The following RPN1 variants were observed in gnomAD, a reference collection of about 807,000 sequenced individuals.
RPN1 encodes the protein dolichyl-diphosphooligosaccharide--protein glycosyltransferase subunit 1.
A neutral mutation model predicts 55.5 loss-of-function variants in RPN1; 12 were observed. The ratio of observed to expected loss-of-function variants is 0.22; its 90% CI spans 0.14 to 0.35. The LOEUF (loss-of-function observed/expected upper bound fraction) is 0.35. Among genes scored for constraint, RPN1 ranks in the 10% least tolerant of loss-of-function variants. The pLI, the probability that RPN1 is intolerant of heterozygous loss-of-function variation, is 1.00. For synonymous variants in RPN1, 317 were observed against 305.9 expected (o/e 1.04, Z -0.38); for missense variants, 679 against 761.3 (o/e 0.89, Z 1.27).
chr3:128,641,474 A>G (rs1576798464), intron 2 of RPN1, among the ~76,000 whole-genome samples: 1 of 151,912 alleles, frequency 6.6e-6, no homozygotes, highest in Non-Finnish European at 1.5e-5. Flanking sequence ...TGAAATGTCA[A>G]CCCTCCGTAT....
chr3:128,641,771 GCTAA>G (rs2107720538), intron 2 of RPN1, among the ~76,000 whole-genome samples: 1 of 152,008 alleles, frequency 6.6e-6, no homozygotes, highest in South Asian at 2.1e-4. Flanking sequence ...ACCACTCCTG[GCTAA>G]CTTTTTTGCA....
In RPN1 at chr3:128,650,602, T is replaced by G. The variant is rs1047995254; in HGVS notation, c.199A>C (p.Thr67Pro). 9.7e-6 allele frequency: 15 copies of G among 1,549,286 alleles called. No homozygotes were observed. The highest frequency in any genetic ancestry group is 1.3e-5 in the Non-Finnish European group (15 of 1,146,572). ...HLGGGSTSRATSFLLALEPEL... is the reference protein window; with the variant it reads ...HLGGGSTSRAPSFLLALEPEL... ...GGCTCCAAAGCCAGCAGGAAAGAGG[T>G]AGCTCGGGACGTGGAGCCGCCGCCC... Residue 67 changes from threonine (T) to proline (P), a missense_variant, in exon 1 of 10, where the codon ACC becomes CCC. Thr to Pro is a conservative substitution (Grantham distance 38, BLOSUM62 -1). Around this residue, in one of 3 missense-constraint regions of RPN1, gnomAD observed 352 missense variants for 352.8 expected, o/e 1.00. Coordinates refer to ENST00000296255, the MANE Select transcript of RPN1 (RefSeq NM_002950.4).
intron 1 of RPN1, among the ~76,000 whole-genome samples, chr3:128,649,210 AT>A (rs530348385): frequency 3.3e-5 from 5 of 152,208 alleles, no homozygotes; most frequent in Non-Finnish European, 5.9e-5. Context: ...TTGTATACCA[AT>A]TATACCTCAA....
intron 1 of RPN1, among the ~76,000 whole-genome samples, chr3:128,645,469 TA>T (rs367842742): frequency 1.0e-3 from 147 of 140,616 alleles, no homozygotes; most frequent in Middle Eastern, 3.8e-3. Context: ...AAATTCCATC[TA>T]AAAAAAAAAA....
intron 4 of RPN1, among the ~76,000 whole-genome samples, chr3:128,631,459 C>G (rs548558907): frequency 6.9e-6 from 1 of 144,798 alleles, no homozygotes; most frequent in African/African-American, 2.6e-5. Flanking sequence ...GCCTGGGCAA[C>G]AAGAGCAAAA....
chr3:128,620,658 C>A, intron 9 of RPN1, 65 bp from the exon 10 acceptor site: 1 of 1,532,710 alleles, frequency 6.5e-7, no homozygotes, highest in Non-Finnish European at 8.9e-7. Context: ...GCAGGCCCCA[C>A]CATCTCCCAG....
chr3:128,643,273 G>A (rs1290308669), intron 2 of RPN1, among the ~76,000 whole-genome samples: 1 of 150,556 alleles, frequency 6.6e-6, no homozygotes, highest in Non-Finnish European at 1.5e-5. Context: ...GTTGCAGTGA[G>A]CCGAGATCAC....
chr3:128,637,778 C>A lies in RPN1; in HGVS notation c.633+21G>T, dbSNP rs200404313. The A allele has an allele frequency of 8.0e-5, 128 of 1,604,638 alleles. 2 individuals carry two copies. The South Asian group carries it at 1.3e-3, about 16-fold the overall frequency. On this transcript the variant is annotated intron_variant, in intron 3 of 9. Coordinates refer to ENST00000296255, the MANE Select transcript of RPN1 (RefSeq NM_002950.4). ...ATTCTCTGAAGCAGACAGGGATGGG[C>A]TGGACTCCACCTGAGCTTACCTGAC...
chr3:128,647,040 G>A (rs940131991), intron 1 of RPN1, among the ~76,000 whole-genome samples: 6 of 151,920 alleles, frequency 3.9e-5, no homozygotes, highest in Non-Finnish European at 7.4e-5. Flanking sequence ...CACTGTTTGG[G>A]GTACCCTCAC....
At chr3:128,633,063 T>C (rs1017499545) in intron 3 of RPN1, among the ~76,000 whole-genome samples, 5 of 152,212 alleles carry the variant, frequency 3.3e-5, no homozygotes, top group Non-Finnish European at 7.3e-5. Context: ...TGACTAGATT[T>C]TTAAAACTAC....
At chr3:128,646,768 G>A (rs748670530) in intron 1 of RPN1, among the ~76,000 whole-genome samples, 16 of 151,904 alleles carry the variant, frequency 1.1e-4, no homozygotes, top group Non-Finnish European at 1.8e-4. Flanking sequence ...GAGGTCAGGA[G>A]TTTGAGAGCA....
chr3:128,631,752 AAG>A (rs1197466557), intron 4 of RPN1, among the ~76,000 whole-genome samples, 194 bp downstream of exon 4: 8 of 152,186 alleles, frequency 5.3e-5, no homozygotes, highest in Non-Finnish European at 1.2e-4. Flanking sequence ...AAAGAAAAAA[AAG>A]AAAATGGCTT....
At position 128,635,626 on chromosome 3, in the gene RPN1, TATATATATATATAG is replaced by T. The variant is rs1337381884; in HGVS notation, c.633+2159_633+2172del. On this transcript the variant is annotated intron_variant, in intron 3 of 9. Transcript: ENST00000296255. ...CTATAACTTGAGATATATATATATA[TATATATATATATAG>T]ATATATATATATATATATATATATA... is the stretch of plus-strand genomic sequence containing the variant. Among the ~76,000 whole-genome samples, 259 of 30,382 alleles carry T rather than the reference TATATATATATATAG, an allele frequency of 8.5e-3. 1 individual carries two copies. The highest frequency in any genetic ancestry group is 0.042 in the African/African-American group (238 of 5,682). The allele number at this position is 30,382 out of a possible 152,430, so 19.9% of individuals were successfully genotyped here. A position where few individuals can be genotyped will look rare whatever the true frequency, so the allele number is the denominator to read the frequency against.
intron 3 of RPN1, among the ~76,000 whole-genome samples, chr3:128,634,381 G>C (rs1310235361): frequency 6.6e-6 from 1 of 151,410 alleles, no homozygotes; most frequent in East Asian, 1.9e-4. Flanking sequence ...AAAATGTTTA[G>C]AGAATATTCT....
At chr3:128,624,520 T>C (rs1338676711) in intron 8 of RPN1, among the ~76,000 whole-genome samples, 3 of 149,894 alleles carry the variant, frequency 2.0e-5, no homozygotes, top group African/African-American at 7.4e-5. Context: ...AAAATCTGCA[T>C]ATAAGTGGAC....
At chr3:128,621,309 A>G (rs982823056) in intron 9 of RPN1, among the ~76,000 whole-genome samples, 1 of 152,194 alleles carries the variant, frequency 6.6e-6, no homozygotes, top group Non-Finnish European at 1.5e-5. Context: ...TCAGGAGTTC[A>G]AGACCAGCCT....
At position 128,630,024 on chromosome 3, in the gene RPN1, A is replaced by C; in HGVS notation, c.963T>G (p.Pro321=). The C allele has an allele frequency of 6.2e-7, 1 of 1,613,772 alleles. No individual in the cohort carries two copies. The highest frequency in any genetic ancestry group is 8.5e-7 in the Non-Finnish European group (1 of 1,179,680). Residue 321 remains proline (P), a synonymous_variant, in exon 5 of 10, where the codon CCT becomes CCG. Transcript: ENST00000296255. ...AATGGGTCTTCCACCCGCCAAAGAGAGGGAAGCGAGGCCGGATTTCCATCT... is the reference window on the plus strand; with the variant it reads ...AATGGGTCTTCCACCCGCCAAAGAGCGGGAAGCGAGGCCGGATTTCCATCT... The part of the protein sequence containing the change: ...SVEMEIRPRF[P]LFGGWKTHYI...
intron 8 of RPN1, among the ~76,000 whole-genome samples, chr3:128,623,793 A>C (rs1032057744): frequency 6.6e-6 from 1 of 152,182 alleles, no homozygotes; most frequent in African/African-American, 2.4e-5. Context: ...AAGGCACAGA[A>C]GGCAGAACAC....
chr3:128,622,558 A>C (rs1576791111), intron 8 of RPN1, 149 bp from the exon 9 acceptor site: 3 of 979,118 alleles, frequency 3.1e-6, no homozygotes, highest in East Asian at 2.6e-5. Context: ...ACTGATACCT[A>C]ATCTGGACCA....
Sources: allele counts gnomAD v4.1 joint callset (sites outside exome capture counted in the v4.1 genomes callset), GRCh38; gene constraint gnomAD v4.1.1; regional missense constraint gnomAD v4.1.1; transcripts MANE v1.5; gene names NCBI Gene and HGNC (gene_info 2026-07-23, HGNC 2026-07-21).